The following FNDC3B variants were observed in gnomAD, a reference collection of about 807,000 sequenced individuals.
FNDC3B encodes fibronectin type III domain-containing protein 3B.
In FNDC3B, 12 loss-of-function variants were observed where a neutral mutation model predicts 151.5. That is an observed-to-expected ratio of 0.08 (90% CI 0.05 to 0.13). FNDC3B has a LOEUF of 0.13. Ranked by LOEUF, FNDC3B falls within the 10% of genes least tolerant of loss-of-function variation. The pLI, the probability that FNDC3B is intolerant of heterozygous loss-of-function variation, is 1.00. For synonymous variants in FNDC3B, 528 were observed against 549.0 expected, an observed-to-expected ratio of 0.96 and a Z score of 0.54; for missense variants, 1,214 against 1,505.3, an observed-to-expected ratio of 0.81 and a Z score of 3.20.
At chr3:172,297,744 G>A (rs1730709041) in intron 8 of FNDC3B, among the ~76,000 whole-genome samples, 1 of 150,812 alleles carries the variant, frequency 6.6e-6, no homozygotes. Context: ...AAAGTGCTCG[G>A]ATAACAGGCG....
chr3:172,223,565 G>A (rs1330812029), intron 3 of FNDC3B, among the ~76,000 whole-genome samples: 2 of 152,156 alleles, frequency 1.3e-5, no homozygotes, highest in African/African-American at 2.4e-5. Context: ...CATGCCTGGG[G>A]TTAAGAGACT....
chr3:172,246,832 A>G (rs1187349883), intron 4 of FNDC3B, among the ~76,000 whole-genome samples: 1 of 152,252 alleles, frequency 6.6e-6, no homozygotes, highest in Non-Finnish European at 1.5e-5. Flanking sequence ...TTCTCATAGC[A>G]GGTTGCTTTT....
At chr3:172,130,189 T>C (rs1055122208) in intron 2 of FNDC3B, among the ~76,000 whole-genome samples, 4 of 152,188 alleles carry the variant, frequency 2.6e-5, no homozygotes, top group African/African-American at 9.7e-5. Flanking sequence ...TTATCTCTGC[T>C]TTATTGACAA....
intron 1 of FNDC3B, among the ~76,000 whole-genome samples, chr3:172,087,960 A>C (rs1203307638): frequency 6.6e-6 from 1 of 152,204 alleles, no homozygotes; most frequent in Non-Finnish European, 1.5e-5. Flanking sequence ...AATGTAGTAT[A>C]TACCACTTTG....
At chr3:172,292,241 G>A (rs1730378945) in intron 7 of FNDC3B, among the ~76,000 whole-genome samples, 1 of 152,326 alleles carries the variant, frequency 6.6e-6, no homozygotes, top group East Asian at 1.9e-4. Context: ...TTAGCTCAAG[G>A]AAAGAATTCA....
chr3:172,075,158 G>A (rs1223643029), intron 1 of FNDC3B, among the ~76,000 whole-genome samples: 5 of 151,944 alleles, frequency 3.3e-5, no homozygotes, highest in African/African-American at 1.2e-4. Flanking sequence ...TTTTTATCTT[G>A]ATAATTTATA....
intron 6 of FNDC3B, among the ~76,000 whole-genome samples, chr3:172,270,616 A>G (rs1158431461): frequency 1.3e-5 from 2 of 152,134 alleles, no homozygotes; most frequent in South Asian, 2.1e-4. Context: ...ACGCTTCTCT[A>G]CATATTCTTC....
intron 3 of FNDC3B, among the ~76,000 whole-genome samples, chr3:172,152,187 A>G (rs1722259445): frequency 6.6e-6 from 1 of 152,148 alleles, no homozygotes; most frequent in Non-Finnish European, 1.5e-5. Context: ...CTTCACAAAA[A>G]TCGCTGGTTT....
chr3:172,303,093 T>C (rs1731014293), intron 9 of FNDC3B: 1 of 152,182 alleles, frequency 6.6e-6, no homozygotes, highest in Non-Finnish European at 1.5e-5. Flanking sequence ...TAAATATGTA[T>C]ACATACACAA....
intron 1 of FNDC3B, among the ~76,000 whole-genome samples, chr3:172,061,308 C>T (rs1431810194): frequency 6.6e-6 from 1 of 151,346 alleles, no homozygotes; most frequent in Admixed American, 6.6e-5. Flanking sequence ...TCTCGGTTCA[C>T]TGCAAGCTCC....
intron 10 of FNDC3B, among the ~76,000 whole-genome samples, chr3:172,307,719 T>C (rs959793224): frequency 1.3e-5 from 2 of 152,104 alleles, no homozygotes; most frequent in Non-Finnish European, 2.9e-5. Context: ...CTATAGCCAT[T>C]TGAAATATTT....
chr3:172,272,067 T>A (rs1010785816), intron 6 of FNDC3B, among the ~76,000 whole-genome samples: 1 of 152,192 alleles, frequency 6.6e-6, no homozygotes, highest in Admixed American at 6.5e-5. Context: ...ATTTTTGCTT[T>A]TTCTTAATAT....
intron 3 of FNDC3B, among the ~76,000 whole-genome samples, chr3:172,188,926 A>G (rs891513934): frequency 5.3e-5 from 8 of 152,182 alleles, no homozygotes; most frequent in Non-Finnish European, 1.2e-4. Context: ...ACTCAATTAC[A>G]TAATTTTATT....
At chr3:172,119,360 T>C (rs1173409540) in intron 2 of FNDC3B, among the ~76,000 whole-genome samples, 1 of 144,922 alleles carries the variant, frequency 6.9e-6, no homozygotes, top group African/African-American at 2.6e-5. Context: ...AGCAGTCTAG[T>C]TGAGGAGCAA....
intron 3 of FNDC3B, among the ~76,000 whole-genome samples, chr3:172,222,857 G>A (rs1726358151): frequency 6.6e-6 from 1 of 152,204 alleles, no homozygotes; most frequent in African/African-American, 2.4e-5. Context: ...AAGAAACAGA[G>A]GATGAGGCAG....
intron 6 of FNDC3B, among the ~76,000 whole-genome samples, chr3:172,269,456 G>A (rs115786293): frequency 0.023 from 3,358 of 148,456 alleles, 58 homozygotes; most frequent in Non-Finnish European, 0.036. Context: ...TTTTTTGGTA[G>A]AGATGGTCTT....
At chr3:172,161,053 T>G (rs2108617513) in intron 3 of FNDC3B, among the ~76,000 whole-genome samples, 1 of 152,354 alleles carries the variant, frequency 6.6e-6, no homozygotes. Flanking sequence ...TTAATCTTAT[T>G]TTTGTCAGTG....
intron 7 of FNDC3B, among the ~76,000 whole-genome samples, chr3:172,287,760 C>A (rs920841023): frequency 1.3e-5 from 2 of 152,126 alleles, no homozygotes; most frequent in African/African-American, 4.8e-5. Context: ...ATGGCTCTAG[C>A]AAGACAAAAG....
At chr3:172,175,217 A>T (rs1261315887) in intron 3 of FNDC3B, among the ~76,000 whole-genome samples, 1 of 151,932 alleles carries the variant, frequency 6.6e-6, no homozygotes, top group Non-Finnish European at 1.5e-5. Context: ...AGCTACAGAG[A>T]GCTAATGTCT....
Sources: gnomAD v4.1 joint callset for allele counts (sites outside exome capture counted in the v4.1 genomes callset) on GRCh38, gnomAD v4.1.1 for gene constraint, MANE v1.5 for transcripts, NCBI Gene and HGNC (gene_info 2026-07-23, HGNC 2026-07-21) for gene names.